The following FRY variants were observed in gnomAD, a reference collection of about 807,000 sequenced individuals.
The protein encoded by FRY is FRY microtubule binding protein, also known as protein furry homolog.
A neutral mutation model predicts 348.4 loss-of-function variants in FRY; 128 were observed. The observed-to-expected ratio is 0.37, with a 90% CI of 0.32 to 0.43. The LOEUF (loss-of-function observed/expected upper bound fraction) is 0.43, where lower values mean the gene tolerates loss of function less well. Ranked by LOEUF, FRY falls within the 20% of genes least tolerant of loss-of-function variation. The pLI is 1.00. For synonymous variants in FRY, 1,370 were observed against 1,374.7 expected, an observed-to-expected ratio of 1.00 and a Z score of 0.08; for missense variants, 2,736 against 3,695.2, an observed-to-expected ratio of 0.74 and a Z score of 6.73.
At chr13:32,189,955 A>G (rs933450608) in intron 28 of FRY, among the ~76,000 whole-genome samples, 1 of 152,058 alleles carries the variant, frequency 6.6e-6, no homozygotes, top group Non-Finnish European at 1.5e-5. Context: ...ATGATTTACC[A>G]TGGTCAAATT....
chr13:32,179,527 G>GTGTGTGTGTGTC, intron 22 of FRY, 148 bp from the exon 23 acceptor site: 1 of 683,056 alleles, frequency 1.5e-6, no homozygotes. Flanking sequence ...GTGTGTGTGT[G>GTGTGTGTGTGTC]TGTGTGTGTG....
chr13:32,209,846 C>A (rs1884583399), intron 33 of FRY, 115 bp downstream of exon 33: 13 of 1,036,792 alleles, frequency 1.3e-5, no homozygotes, highest in Non-Finnish European at 1.9e-5. Context: ...CAGTTAGTCA[C>A]ATGAATCTCC....
Position 32,057,330 on chromosome 13 carries a change from C to T in FRY, c.71-21504C>T, listed in dbSNP as rs528954113. 2.5e-3 allele frequency among the ~76,000 whole-genome samples: 381 copies of T among 152,162 alleles called. 2 individuals are homozygous for T. The highest frequency in any genetic ancestry group is 6.8e-3 in the Middle Eastern group (2 of 294). ...GGGATTACAGGCACGTGCCACCACA[C>T]CTAGCTAAATTTTGTATTTTTAGTA... On this transcript the variant is annotated intron_variant, in intron 1 of 60. Transcript: ENST00000542859.
chr13:32,057,136 A>C (rs1243549885), intron 1 of FRY, among the ~76,000 whole-genome samples: 3 of 152,074 alleles, frequency 2.0e-5, no homozygotes, highest in Non-Finnish European at 4.4e-5. Flanking sequence ...AGGTGGATAG[A>C]GTCCAGTAGG....
intron 36 of FRY, 32 bp from the exon 37 acceptor site, chr13:32,224,203 A>C: frequency 6.2e-7 from 1 of 1,605,762 alleles, no homozygotes; most frequent in Non-Finnish European, 8.5e-7. Flanking sequence ...TCTCCCTGAA[A>C]ATAAAGCACA....
chr13:32,284,307 A>G (rs567019610), intron 58 of FRY, among the ~76,000 whole-genome samples: 1 of 152,332 alleles, frequency 6.6e-6, no homozygotes, highest in African/African-American at 2.4e-5. Context: ...TATATTTTCT[A>G]TCTACATAAT....
intron 1 of FRY, among the ~76,000 whole-genome samples, chr13:32,041,387 G>A (rs899216565): frequency 2.0e-5 from 3 of 149,180 alleles, no homozygotes; most frequent in African/African-American, 7.4e-5. Flanking sequence ...TCTGCGTCCT[G>A]GGTTCAAGCA....
chr13:32,143,241 A>G (rs1420097273), intron 11 of FRY, among the ~76,000 whole-genome samples: 2 of 152,238 alleles, frequency 1.3e-5, no homozygotes, highest in Non-Finnish European at 2.9e-5. Flanking sequence ...TGTATTTTCA[A>G]GAATATCATT....
chr13:32,124,302 G>A lies in FRY; in HGVS notation c.481G>A (p.Asp161Asn). The A allele has an allele frequency of 6.3e-7, 1 of 1,595,390 alleles. No individual in the cohort carries two copies. Among genetic ancestry groups the A allele is most frequent in the Non-Finnish European group, 8.6e-7 (1 of 1,162,984 alleles). ...ATTTTACAGCGATGAACAACAGCGA[G>A]ATTATTTAATGGAAAGACGGGACCT... ...NKSKSDEQQR[D>N]YLMERRDLAI... The change falls in exon 5 of 61, where the codon GAT becomes AAT. Residue 161 changes from aspartate (D) to asparagine (N), a missense_variant. Physicochemically the swap from Asp to Asn is conservative, Grantham distance 23. Coordinates refer to ENST00000542859, the MANE Select transcript of FRY (RefSeq NM_023037.3).
At chr13:32,192,586 G>A (rs1883412245) in intron 28 of FRY, among the ~76,000 whole-genome samples, 1 of 152,106 alleles carries the variant, frequency 6.6e-6, no homozygotes, top group Non-Finnish European at 1.5e-5. Context: ...AAACTAGGTT[G>A]AAGATGTTTG....
chr13:32,192,578 A>G (rs925476361), intron 28 of FRY, among the ~76,000 whole-genome samples: 1 of 152,078 alleles, frequency 6.6e-6, no homozygotes, highest in African/African-American at 2.4e-5. Context: ...GTTGGGGGAA[A>G]CTAGGTTGAA....
At chr13:32,213,619 C>T (rs1884810048) in intron 35 of FRY, among the ~76,000 whole-genome samples, 1 of 152,232 alleles carries the variant, frequency 6.6e-6, no homozygotes, top group African/African-American at 2.4e-5. Flanking sequence ...CTTTGGAAAA[C>T]TACCTCATGA....
intron 5 of FRY, 25 bp downstream of exon 5, chr13:32,124,401 T>C: frequency 7.9e-7 from 1 of 1,265,420 alleles, no homozygotes; most frequent in Non-Finnish European, 1.1e-6. Context: ...TATTGTTACT[T>C]TTAGATAATA....
At chr13:32,066,039 T>C (rs1874239977) in intron 1 of FRY, among the ~76,000 whole-genome samples, 1 of 152,208 alleles carries the variant, frequency 6.6e-6, no homozygotes, top group Non-Finnish European at 1.5e-5. Context: ...TCTAATAAAA[T>C]TGACCGTAAT....
intron 59 of FRY, among the ~76,000 whole-genome samples, chr13:32,292,774 G>T (rs1889436017): frequency 6.7e-6 from 1 of 149,092 alleles, no homozygotes; most frequent in Non-Finnish European, 1.5e-5. Flanking sequence ...CCTGGTGACA[G>T]AGCAAGACTC....
intron 51 of FRY, 186 bp from the exon 52 acceptor site, chr13:32,261,430 A>G (rs1160905332): frequency 1.3e-6 from 1 of 763,680 alleles, no homozygotes; most frequent in African/African-American, 1.7e-5. Context: ...ACATGAGTTT[A>G]CATGAAAATA....
At chr13:32,147,499 TA>T (rs1326519331) in intron 12 of FRY, 114 bp downstream of exon 12, 2 of 728,894 alleles carry the variant, frequency 2.7e-6, no homozygotes, top group Non-Finnish European at 5.0e-6. Flanking sequence ...TGACAGTTTC[TA>T]AAAGATCTAA....
intron 36 of FRY, among the ~76,000 whole-genome samples, chr13:32,222,273 G>A (rs908449643): frequency 6.6e-6 from 1 of 152,156 alleles, no homozygotes; most frequent in Non-Finnish European, 1.5e-5. Context: ...GCAAGGGTGC[G>A]CTGGTAGGAG....
intron 58 of FRY, among the ~76,000 whole-genome samples, chr13:32,288,940 T>G (rs949263034): frequency 6.6e-6 from 1 of 152,228 alleles, no homozygotes; most frequent in Non-Finnish European, 1.5e-5. Context: ...AGCTGTGTAA[T>G]GAACAAATTA....
Sources: allele counts gnomAD v4.1 joint callset (sites outside exome capture counted in the v4.1 genomes callset), GRCh38; gene constraint gnomAD v4.1.1; transcripts MANE v1.5; gene names NCBI Gene and HGNC (gene_info 2026-07-23, HGNC 2026-07-21).